TAX1BP1: variants seen among roughly 807,000 people sequenced by gnomAD.
The protein encoded by TAX1BP1 is tax1-binding protein 1.
Under a neutral mutation model 97.7 loss-of-function variants are expected in TAX1BP1, and 62 were observed. The observed-to-expected ratio is 0.63, with a 90% CI of 0.52 to 0.78. The LOEUF is 0.78. TAX1BP1 is among the 30% of genes least tolerant of loss of function. The probability of loss-of-function intolerance (pLI) is 0.00; values close to 1 mark genes in which losing one functional copy is unlikely to be tolerated. For synonymous variants in TAX1BP1, 340 were observed against 304.2 expected, an observed-to-expected ratio of 1.12 and a Z score of -1.23; for missense variants, 867 against 916.1, an observed-to-expected ratio of 0.95 and a Z score of 0.69.
intron 3 of TAX1BP1, among the ~76,000 whole-genome samples, chr7:27,765,325 G>A (rs1484451537): frequency 2.6e-5 from 4 of 151,902 alleles, no homozygotes; most frequent in Non-Finnish European, 4.4e-5. Context: ...GGGTCCTAAA[G>A]CTTATTTTTA....
intron 6 of TAX1BP1, 39 bp downstream of exon 6, chr7:27,785,350 TTTTAAAAC>T: frequency 6.3e-7 from 1 of 1,589,488 alleles, no homozygotes; most frequent in Non-Finnish European, 8.5e-7. Context: ...TCAATAAAAA[TTTTAAAAC>T]TTTAAAACAT....
At chr7:27,793,235 A>G (rs750784413) in intron 10 of TAX1BP1, 23 bp downstream of exon 10, 118 of 1,541,588 alleles carry the variant, frequency 7.7e-5, no homozygotes, top group Non-Finnish European at 9.4e-5. Context: ...AAATTTACAC[A>G]TAGTAAAATG....
At chr7:27,826,145 C>T (rs1304600505) in intron 15 of TAX1BP1, among the ~76,000 whole-genome samples, 1 of 152,186 alleles carries the variant, frequency 6.6e-6, no homozygotes, top group African/African-American at 2.4e-5. Flanking sequence ...ACTTTCTCAT[C>T]TTCCTTCTTT....
rs1406059021 is a variant in TAX1BP1 at position 27,787,489 on chromosome 7, T to C, written c.924T>C (p.Asp308=). The C allele has an allele frequency of 6.2e-7, 1 of 1,613,514 alleles. No homozygotes were observed. The highest frequency in any genetic ancestry group is 8.5e-7 in the Non-Finnish European group (1 of 1,179,676). ...AGGTCCAGACTTTAAAAAATTTAGA[T>C]GGGAACAAAGAAAGCGTGATTACTC... ...MSEVQTLKNL[D]GNKESVITHF... is the part of the protein sequence containing the mutation. The change falls in exon 8 of 17, where the codon GAT becomes GAC. Residue 308 remains aspartate, a synonymous_variant. Coordinates refer to ENST00000396319, the MANE Select transcript of TAX1BP1 (RefSeq NM_006024.7).
intron 3 of TAX1BP1, among the ~76,000 whole-genome samples, chr7:27,765,349 G>A (rs1788594150): frequency 6.6e-6 from 1 of 151,960 alleles, no homozygotes. Flanking sequence ...TACTGCACTA[G>A]CAGACCTCAT....
chr7:27,818,130 C>T (rs1002106804), intron 15 of TAX1BP1, among the ~76,000 whole-genome samples: 2 of 152,154 alleles, frequency 1.3e-5, no homozygotes, highest in African/African-American at 2.4e-5. Flanking sequence ...ACAGATGTTA[C>T]ATGTGACAAG....
At chr7:27,740,575 G>A (rs1333365164) in intron 1 of TAX1BP1, among the ~76,000 whole-genome samples, 1 of 152,156 alleles carries the variant, frequency 6.6e-6, no homozygotes, top group Non-Finnish European at 1.5e-5. Context: ...CGTGTGGGAC[G>A]GGGGCCCTTT....
At chr7:27,740,921 G>T (rs879409652) in intron 1 of TAX1BP1, among the ~76,000 whole-genome samples, 2 of 152,286 alleles carry the variant, frequency 1.3e-5, no homozygotes, top group East Asian at 3.9e-4. Flanking sequence ...GACTAGTCCC[G>T]ACCGACTTGC....
At chr7:27,759,875 C>G (rs1385243590) in intron 3 of TAX1BP1, among the ~76,000 whole-genome samples, 2 of 143,838 alleles carry the variant, frequency 1.4e-5, no homozygotes, top group Non-Finnish European at 1.5e-5. Context: ...TTTTTTTGAG[C>G]CGGAGTCACA....
chr7:27,787,109 A>AAT (rs1789517495), intron 7 of TAX1BP1, among the ~76,000 whole-genome samples: 1 of 152,198 alleles, frequency 6.6e-6, no homozygotes, highest in Admixed American at 6.5e-5. Context: ...CAAAAGAACA[A>AAT]CCAAATCTAT....
intron 7 of TAX1BP1, among the ~76,000 whole-genome samples, chr7:27,785,757 G>A (rs1380588483): frequency 6.6e-6 from 1 of 152,186 alleles, no homozygotes; most frequent in African/African-American, 2.4e-5. Context: ...TTCATAGGCT[G>A]CTTGAATATC....
At chr7:27,781,935 C>T (rs918844038) in intron 5 of TAX1BP1, among the ~76,000 whole-genome samples, 5 of 151,772 alleles carry the variant, frequency 3.3e-5, no homozygotes, top group African/African-American at 9.7e-5. Context: ...GCCAGGCTCT[C>T]GTACACCTGA....
At chr7:27,805,666 G>A (rs549342799) in intron 13 of TAX1BP1, among the ~76,000 whole-genome samples, 2 of 152,176 alleles carry the variant, frequency 1.3e-5, no homozygotes, top group South Asian at 2.1e-4. Flanking sequence ...GTGAAACCAC[G>A]TCTCTATTAA....
At chr7:27,749,239 T>C (rs942191239) in intron 2 of TAX1BP1, among the ~76,000 whole-genome samples, 4 of 152,240 alleles carry the variant, frequency 2.6e-5, no homozygotes, top group African/African-American at 9.6e-5. Context: ...TATAATACTT[T>C]CTTGAAAATG....
chr7:27,794,382 T>C lies in TAX1BP1; in HGVS notation c.1470T>C (p.Ala490=). 1 of 1,613,504 alleles carries C rather than the reference T, an allele frequency of 6.2e-7. No homozygotes were observed. Among genetic ancestry groups the C allele is most frequent in the Non-Finnish European group, 8.5e-7 (1 of 1,179,654 alleles). The change falls in exon 11 of 17, where the codon GCT becomes GCC. Residue 490 remains alanine (A), a synonymous_variant. Coordinates refer to ENST00000396319, the MANE Select transcript of TAX1BP1 (RefSeq NM_006024.7). ...KTGNQQKVND[A]SVNTDPATSA... ...GGAATCAGCAGAAAGTGAATGATGC[T>C]TCAGTAAACACAGACCCAGCCACTT...
chr7:27,826,333 C>CT (rs891147329), intron 15 of TAX1BP1, among the ~76,000 whole-genome samples: 3 of 152,192 alleles, frequency 2.0e-5, no homozygotes, highest in African/African-American at 7.2e-5. Context: ...TTTACCCCTT[C>CT]TTTTACTTTT....
At chr7:27,776,830 T>A (rs996930821) in intron 5 of TAX1BP1, among the ~76,000 whole-genome samples, 1 of 151,900 alleles carries the variant, frequency 6.6e-6, no homozygotes, top group African/African-American at 2.4e-5. Flanking sequence ...TGCTTTTTTT[T>A]TAAGTCCCTT....
intron 1 of TAX1BP1, among the ~76,000 whole-genome samples, chr7:27,744,468 T>C (rs538947595): frequency 3.3e-5 from 5 of 152,212 alleles, no homozygotes; most frequent in Non-Finnish European, 7.3e-5. Context: ...AAACACAGAA[T>C]CACCATAATT....
chr7:27,829,547 C>A lies in TAX1BP1; in HGVS notation c.*718C>A, dbSNP rs946015058. 3 of 152,068 alleles carry A rather than the reference C, an allele frequency of 2.0e-5. No individual in the cohort carries two copies. The highest frequency in any genetic ancestry group is 7.2e-5 in the African/African-American group (3 of 41,406). The allele number at this position is 152,068 out of a possible 1,614,324, so 9.4% of individuals were successfully genotyped here. On this transcript the variant is annotated 3_prime_UTR_variant, in exon 17 of 17. Transcript: ENST00000396319. ...TATAATTGTTTTCCTATTAAATGAT[C>A]TCATAACAGGGGTGTTTGTGGCATA...
Sources: gnomAD v4.1 joint callset for allele counts (sites outside exome capture counted in the v4.1 genomes callset) on GRCh38, gnomAD v4.1.1 for gene constraint, MANE v1.5 for transcripts, NCBI Gene and HGNC (gene_info 2026-07-23, HGNC 2026-07-21) for gene names.